Variants in EML4 observed in about 807,000 individuals in gnomAD.
The protein encoded by EML4 is EMAP like 4, also known as echinoderm microtubule-associated protein-like 4.
EML4 carries 72 observed loss-of-function variants against 129.0 expected under a neutral mutation model. That is an observed-to-expected ratio of 0.56 (90% CI 0.46 to 0.68). The LOEUF (loss-of-function observed/expected upper bound fraction) is 0.68, where lower values mean the gene tolerates loss of function less well. EML4 is among the 30% of genes least tolerant of loss of function. The probability of loss-of-function intolerance (pLI) is 0.00; values close to 1 mark genes in which losing one functional copy is unlikely to be tolerated. For synonymous variants in EML4, 532 were observed against 405.0 expected (o/e 1.31, Z -3.77); for missense variants, 1,363 against 1,190.6 (o/e 1.14, Z -2.13).
At position 42,301,272 on chromosome 2, in the gene EML4, T is replaced by A; in HGVS notation, c.1521T>A (p.Ala507=). Reference sequence around the variant, plus strand: ...ATCAAATCAGCAAACAAATCAAAGCTCATGATGGCAGTGTGTTCACACTTT... The same window carrying A: ...ATCAAATCAGCAAACAAATCAAAGCACATGATGGCAGTGTGTTCACACTTT... ...GVYQISKQIK[A]HDGSVFTLCQ... The change falls in exon 14 of 23, where the codon GCT becomes GCA. Residue 507 remains alanine (A), a synonymous_variant. Transcript: ENST00000318522. 6.2e-7 allele frequency: 1 copy of A among 1,612,766 alleles called. No individual in the cohort carries two copies. Among genetic ancestry groups the A allele is most frequent in the Non-Finnish European group, 8.5e-7 (1 of 1,179,494 alleles).
At chr2:42,255,591 A>G (rs922551616) in intron 2 of EML4, among the ~76,000 whole-genome samples, 2 of 152,242 alleles carry the variant, frequency 1.3e-5, no homozygotes, top group African/African-American at 4.8e-5. Context: ...CTAGAACTAA[A>G]TCTGATGACC....
At chr2:42,252,681 C>G (rs1037728020) in intron 2 of EML4, among the ~76,000 whole-genome samples, 1 of 152,176 alleles carries the variant, frequency 6.6e-6, no homozygotes, top group South Asian at 2.1e-4. Context: ...TACATACACT[C>G]TCTTTGCTGT....
At chr2:42,227,439 A>T (rs1674041379) in intron 1 of EML4, among the ~76,000 whole-genome samples, 2 of 145,188 alleles carry the variant, frequency 1.4e-5, no homozygotes, top group South Asian at 2.2e-4. Flanking sequence ...ATTACATCCT[A>T]CCTGCTTTCA....
intron 1 of EML4, among the ~76,000 whole-genome samples, chr2:42,178,581 T>C (rs937351274): frequency 1.3e-5 from 2 of 152,082 alleles, no homozygotes; most frequent in African/African-American, 2.4e-5. Flanking sequence ...TTGTTTGTAG[T>C]GTGGTGAGTA....
chr2:42,327,915 A>G lies in EML4; in HGVS notation c.2342-971A>G, dbSNP rs556654306. On this transcript the variant is annotated intron_variant, in intron 21 of 22. Transcript: ENST00000318522. Reference sequence around the variant, plus strand: ...ATAGATCTGAACATTTCTTTATGCTATGTGCATTAGGAAAATAATCCATTA... The same window carrying G: ...ATAGATCTGAACATTTCTTTATGCTGTGTGCATTAGGAAAATAATCCATTA... Among the ~76,000 whole-genome samples the G allele has an allele frequency of 5.9e-5, 9 of 152,310 alleles. No homozygotes were observed. In the South Asian group the frequency reaches 1.4e-3, roughly 25 times the overall value.
intron 6 of EML4, among the ~76,000 whole-genome samples, chr2:42,275,405 G>A (rs1363320817): frequency 6.6e-6 from 1 of 152,116 alleles, no homozygotes; most frequent in Non-Finnish European, 1.5e-5. Flanking sequence ...AATGTTTCCC[G>A]AGTTCTAAGT....
Position 42,282,902 on chromosome 2 carries a change from G to A in EML4, c.871G>A (p.Val291Ile), listed in dbSNP as rs1421539194. 1 of 1,611,602 alleles carries A rather than the reference G, an allele frequency of 6.2e-7. No homozygotes were observed. The part of the protein sequence containing the change: ...TGKIVYFIAS[V>I]VVLFNYEERT... ...GAAAATAGTTTATTTCATTGCATCA[G>A]TAGTAGTACTATTTAATTATGAGGA... is the stretch of plus-strand genomic sequence containing the variant. Residue 291 changes from valine (V) to isoleucine (I), a missense_variant, in exon 8 of 23, where the codon GTA becomes ATA. Coordinates refer to ENST00000318522, the MANE Select transcript of EML4 (RefSeq NM_019063.5).
intron 20 of EML4, 91 bp downstream of exon 20, chr2:42,325,645 G>A (rs1303681998): frequency 6.4e-6 from 1 of 155,620 alleles, no homozygotes; most frequent in African/African-American, 2.9e-5. Context: ...TATATGCTAA[G>A]ATGTGTCTGT....
intron 1 of EML4, among the ~76,000 whole-genome samples, chr2:42,210,324 C>T (rs1672818950): frequency 6.6e-6 from 1 of 151,966 alleles, no homozygotes; most frequent in Admixed American, 6.6e-5. Context: ...TGTAGAATGT[C>T]CCTCTTTTGG....
At chr2:42,309,990 T>C (rs115188596) in intron 17 of EML4, among the ~76,000 whole-genome samples, 33 of 152,352 alleles carry the variant, frequency 2.2e-4, no homozygotes, top group South Asian at 4.1e-4. Context: ...CTCCAATTCG[T>C]CTTGAGTTAA....
At chr2:42,298,952 A>G (rs1370918605) in intron 13 of EML4, among the ~76,000 whole-genome samples, 1 of 152,222 alleles carries the variant, frequency 6.6e-6, no homozygotes, top group Non-Finnish European at 1.5e-5. Flanking sequence ...TATTATCCAA[A>G]TAAAGCCAGT....
At chr2:42,283,138 C>A (rs1667102783) in intron 8 of EML4, among the ~76,000 whole-genome samples, 166 bp downstream of exon 8, 1 of 152,188 alleles carries the variant, frequency 6.6e-6, no homozygotes, top group South Asian at 2.1e-4. Context: ...GGACTTTCGG[C>A]CTCCAAAATG....
intron 1 of EML4, among the ~76,000 whole-genome samples, chr2:42,201,019 A>T (rs1326039958): frequency 6.6e-6 from 1 of 152,244 alleles, no homozygotes; most frequent in African/African-American, 2.4e-5. Flanking sequence ...TATAGCAGTA[A>T]TATGACAGAA....
intron 1 of EML4, among the ~76,000 whole-genome samples, chr2:42,215,435 A>G (rs908779427): frequency 6.6e-6 from 1 of 152,126 alleles, no homozygotes; most frequent in Non-Finnish European, 1.5e-5. Flanking sequence ...TTAATATTTT[A>G]TGTACCTATA....
At chr2:42,319,061 C>A (rs1187069242) in intron 19 of EML4, among the ~76,000 whole-genome samples, 1 of 152,162 alleles carries the variant, frequency 6.6e-6, no homozygotes, top group Non-Finnish European at 1.5e-5. Flanking sequence ...AACAGTATAT[C>A]AAATATGACT....
chr2:42,181,203 A>G (rs1572837099), intron 1 of EML4, among the ~76,000 whole-genome samples: 2 of 152,212 alleles, frequency 1.3e-5, no homozygotes, highest in East Asian at 3.8e-4. Context: ...ATTTTGTAAA[A>G]TGTGCTTTGA....
chr2:42,217,856 AAAT>A (rs1358485393), intron 1 of EML4, among the ~76,000 whole-genome samples: 1 of 150,054 alleles, frequency 6.7e-6, no homozygotes, highest in African/African-American at 2.5e-5. Flanking sequence ...ATTTACTTCT[AAAT>A]ATGTAGAAGA....
intron 1 of EML4, among the ~76,000 whole-genome samples, chr2:42,179,558 G>A (rs115966292): frequency 2.0e-5 from 3 of 152,234 alleles, no homozygotes; most frequent in Non-Finnish European, 4.4e-5. Context: ...GGTCCATGAT[G>A]TTTATAGCTT....
intron 1 of EML4, among the ~76,000 whole-genome samples, chr2:42,220,127 T>C (rs1185597113): frequency 2.0e-5 from 3 of 152,068 alleles, no homozygotes; most frequent in Admixed American, 2.0e-4. Flanking sequence ...GTTTTACTTA[T>C]CTATAATACG....
Sources: allele counts gnomAD v4.1 joint callset (sites outside exome capture counted in the v4.1 genomes callset), GRCh38; gene constraint gnomAD v4.1.1; transcripts MANE v1.5; gene names NCBI Gene and HGNC (gene_info 2026-07-23, HGNC 2026-07-21).